Variants in ABITRAM observed in about 807,000 individuals in gnomAD.
The protein encoded by ABITRAM is actin binding transcription modulator.
A neutral mutation model predicts 22.9 loss-of-function variants in ABITRAM; 19 were observed. The ratio of observed to expected loss-of-function variants is 0.83; its 90% confidence interval spans 0.58 to 1.22. The LOEUF (loss-of-function observed/expected upper bound fraction) is 1.22. Ranked by LOEUF, ABITRAM falls within the 50% of genes most tolerant of loss-of-function variation. The probability of loss-of-function intolerance (pLI) is 0.00; values close to 1 mark genes in which losing one functional copy is unlikely to be tolerated. For missense variants in ABITRAM, 215 were observed against 220.2 expected, an observed-to-expected ratio of 0.98 and a Z score of 0.15; for synonymous variants, 70 against 73.9, an observed-to-expected ratio of 0.95 and a Z score of 0.27.
Position 108,939,621 on chromosome 9 carries a change from C to T in ABITRAM, c.481C>T (p.Leu161=), listed in dbSNP as rs41278363. 16 of 1,613,832 alleles carry T rather than the reference C, an allele frequency of 9.9e-6. No individual in the cohort carries two copies. In the African/African-American group the frequency reaches 1.6e-4, roughly 16 times the overall value. ...EESKSITEGL[L]TQKQYEEVMV... ...AAGTAAAAGCATAACAGAAGGGTTACTGACACAAAAACAATATGAAGAAGT... is the reference window on the plus strand; with the variant it reads ...AAGTAAAAGCATAACAGAAGGGTTATTGACACAAAAACAATATGAAGAAGT... The change falls in exon 6 of 6, where the codon CTG becomes TTG. Residue 161 remains leucine, a synonymous_variant. Transcript: ENST00000322940.
intron 3 of ABITRAM, chr9:108,948,080 C>G: frequency 1.0e-5 from 13 of 1,266,540 alleles, no homozygotes; most frequent in Non-Finnish European, 1.4e-5. Flanking sequence ...CAGGTAGGTA[C>G]AGATGTAAGC....
At chr9:108,938,985 C>A (rs1158636769) in intron 3 of ABITRAM, among the ~76,000 whole-genome samples, 1 of 152,062 alleles carries the variant, frequency 6.6e-6, no homozygotes, top group South Asian at 2.1e-4. Context: ...TGTGTCTTAG[C>A]TTTTTTCCCT....
downstream of ABITRAM, among the ~76,000 whole-genome samples, chr9:108,941,567 G>A (rs966486498): frequency 2.0e-5 from 3 of 152,066 alleles, no homozygotes; most frequent in Non-Finnish European, 2.9e-5. Flanking sequence ...ATTTTCTCCC[G>A]AAGGACTACA....
chr9:108,935,855 A>G (rs928153776), intron 2 of ABITRAM, 166 bp downstream of exon 2: 7 of 591,998 alleles, frequency 1.2e-5, no homozygotes, highest in Non-Finnish European at 2.1e-5. Context: ...GTTTGGCAAG[A>G]ATGAGTATTC....
At chr9:108,935,388 G>A (rs1830166029) in intron 1 of ABITRAM, among the ~76,000 whole-genome samples, 1 of 152,182 alleles carries the variant, frequency 6.6e-6, no homozygotes, top group Non-Finnish European at 1.5e-5. Flanking sequence ...TGAAGTGAGT[G>A]TAAAGTAAGA....
Position 108,939,811 on chromosome 9 carries a change from C to G in ABITRAM, c.*125C>G. The stretch of plus-strand genomic sequence containing the variant: ...ACAGCCAGCCATATGCAGGGGAGGC[C>G]TAGTGCTTCACTTAGTTTTCCCTCT... On this transcript the variant is annotated 3_prime_UTR_variant, in exon 6 of 6. Transcript: ENST00000322940. The G allele has an allele frequency of 9.0e-7, 1 of 1,116,184 alleles. No homozygotes were observed. Among genetic ancestry groups the G allele is most frequent in the Non-Finnish European group, 1.3e-6 (1 of 787,408 alleles). 69.1% of individuals were successfully genotyped at this position (1,116,184 alleles called of 1,614,324 possible). A position where few individuals can be genotyped will look rare whatever the true frequency, so the allele number is the denominator to read the frequency against.
rs1308924813 is a variant in ABITRAM at position 108,935,963 on chromosome 9, C to T, written c.131+274C>T. 1.3e-5 allele frequency: 7 copies of T among 526,644 alleles called. No individual in the cohort carries two copies. In the East Asian group the frequency reaches 2.4e-4, roughly 18 times the overall value. 32.6% of individuals were successfully genotyped at this position (526,644 alleles called of 1,614,324 possible). A position where few individuals can be genotyped will look rare whatever the true frequency, so the allele number is the denominator to read the frequency against. Reference sequence around the variant, plus strand: ...CTACTTGAAGTGGCCAGTCTGTGCCCAACTACTGAACTGTTCAGAGCCCAC... The same window carrying T: ...CTACTTGAAGTGGCCAGTCTGTGCCTAACTACTGAACTGTTCAGAGCCCAC... On this transcript the variant is annotated intron_variant, in intron 2 of 5. Coordinates refer to ENST00000322940, the MANE Select transcript of ABITRAM (RefSeq NM_017832.4).
chr9:108,938,683 A>G, intron 3 of ABITRAM, among the ~76,000 whole-genome samples: 1 of 131,116 alleles, frequency 7.6e-6, no homozygotes, highest in Non-Finnish European at 1.6e-5. Context: ...ACACTGGGGA[A>G]TTACAAAGGG....
chr9:108,943,512 C>A (rs1230142481), downstream of ABITRAM, among the ~76,000 whole-genome samples: 1 of 152,082 alleles, frequency 6.6e-6, no homozygotes, highest in Non-Finnish European at 1.5e-5. Flanking sequence ...GTCCAAAAAA[C>A]TACTTTATTT....
chr9:108,942,874 G>GA (rs370545789), downstream of ABITRAM: 182 of 1,600,084 alleles, frequency 1.1e-4, no homozygotes, highest in Non-Finnish European at 1.3e-4. Flanking sequence ...GTTTCACTCT[G>GA]AAAAAAAAAT....
At chr9:108,943,072 T>C, downstream of ABITRAM, 1 of 1,580,770 alleles carries the variant, frequency 6.3e-7, no homozygotes, top group East Asian at 2.2e-5. Context: ...ATGCAAATGA[T>C]ATTCTAAAAG....
intron 3 of ABITRAM, among the ~76,000 whole-genome samples, chr9:108,938,696 G>A (rs12335452): frequency 7.1e-6 from 1 of 141,692 alleles, no homozygotes; most frequent in East Asian, 2.3e-4. Context: ...ACAAAGGGGG[G>A]GGGGGGAAAG....
At chr9:108,934,702 C>T (rs1314007632) in intron 1 of ABITRAM, 137 bp downstream of exon 1, 2 of 812,000 alleles carry the variant, frequency 2.5e-6, no homozygotes, top group Non-Finnish European at 3.8e-6. Flanking sequence ...CTTCTGTGTT[C>T]CGTCTAGCCC....
chr9:108,939,317 AT>A (rs756325069), intron 4 of ABITRAM, 45 bp downstream of exon 4: 16 of 1,591,474 alleles, frequency 1.0e-5, no homozygotes, highest in Admixed American at 5.6e-5. Context: ...AAGGGAGGTA[AT>A]TTTTTTTCTT....
At chr9:108,935,265 C>G (rs934384637) in intron 1 of ABITRAM, among the ~76,000 whole-genome samples, 3 of 152,078 alleles carry the variant, frequency 2.0e-5, no homozygotes, top group African/African-American at 7.2e-5. Context: ...CCCAGAATGT[C>G]GGACTTGCAC....
At chr9:108,946,452 TG>T (rs1419455298) in intron 3 of ABITRAM, among the ~76,000 whole-genome samples, 1 of 152,184 alleles carries the variant, frequency 6.6e-6, no homozygotes, top group Non-Finnish European at 1.5e-5. Context: ...GCACTTGTTT[TG>T]GCTATCTAAA....
intron 3 of ABITRAM, among the ~76,000 whole-genome samples, chr9:108,950,286 T>C (rs1830521854): frequency 6.6e-6 from 1 of 152,236 alleles, no homozygotes; most frequent in Non-Finnish European, 1.5e-5. Context: ...TTTAGAGGCC[T>C]GGGCCATCAG....
At chr9:108,948,092 T>A in intron 3 of ABITRAM, 2 of 1,375,722 alleles carry the variant, frequency 1.5e-6, no homozygotes, top group Non-Finnish European at 2.0e-6. Flanking sequence ...GATGTAAGCA[T>A]ATACACATGA....
chr9:108,945,241 T>A (rs1481651142), downstream of ABITRAM, among the ~76,000 whole-genome samples: 2 of 152,242 alleles, frequency 1.3e-5, no homozygotes, highest in Non-Finnish European at 2.9e-5. Context: ...AATCTGTAGA[T>A]GCTTAAGTCC....
Sources: allele counts gnomAD v4.1 joint callset (sites outside exome capture counted in the v4.1 genomes callset), GRCh38; gene constraint gnomAD v4.1.1; transcripts MANE v1.5; gene names NCBI Gene and HGNC (gene_info 2026-07-23, HGNC 2026-07-21).